Variants in PCDH15 observed in about 807,000 individuals in gnomAD.
The protein encoded by PCDH15 is protocadherin related 15.
PCDH15 carries 129 observed loss-of-function variants against 178.5 expected under a neutral mutation model. The ratio of observed to expected loss-of-function variants is 0.72; its 90% CI spans 0.63 to 0.84. The LOEUF is 0.84. Ranked by LOEUF, PCDH15 falls within the 40% of genes least tolerant of loss-of-function variation. The probability of loss-of-function intolerance (pLI) is 0.00; values close to 1 mark genes in which losing one functional copy is unlikely to be tolerated. For synonymous variants in PCDH15, 800 were observed against 732.0 expected (o/e 1.09, Z -1.50); for missense variants, 2,230 against 2,099.9 (o/e 1.06, Z -1.21).
At chr10:54,913,275 A>T (rs935636727) in intron 2 of PCDH15, among the ~76,000 whole-genome samples, 2 of 152,200 alleles carry the variant, frequency 1.3e-5, no homozygotes, top group Admixed American at 6.5e-5. Context: ...TTTGTGGGCC[A>T]GGCCCATGAC....
At chr10:54,622,336 A>C (rs2093379141) in intron 2 of PCDH15, among the ~76,000 whole-genome samples, 1 of 151,124 alleles carries the variant, frequency 6.6e-6, no homozygotes, top group African/African-American at 2.4e-5. Context: ...GATAAGAAAC[A>C]CTGTAGTTCT....
intron 21 of PCDH15, among the ~76,000 whole-genome samples, chr10:53,972,130 A>G (rs1364117854): frequency 2.0e-5 from 3 of 152,072 alleles, no homozygotes; most frequent in Admixed American, 1.3e-4. Context: ...CAGAAATAAT[A>G]CCACACATTT....
At chr10:54,196,200 T>G (rs1055522977) in intron 10 of PCDH15, among the ~76,000 whole-genome samples, 1 of 152,124 alleles carries the variant, frequency 6.6e-6, no homozygotes, top group African/African-American at 2.4e-5. Flanking sequence ...TGGAGTGCAG[T>G]GGAGTGAACT....
chr10:53,834,713 G>A (rs1001860783), intron 29 of PCDH15, among the ~76,000 whole-genome samples: 1 of 152,108 alleles, frequency 6.6e-6, no homozygotes. Flanking sequence ...TCAAGCACAT[G>A]CAAACATGTA....
chr10:55,011,719 A>G (rs548060383), intron 2 of PCDH15, among the ~76,000 whole-genome samples: 2 of 152,248 alleles, frequency 1.3e-5, no homozygotes, highest in South Asian at 4.1e-4. Context: ...ATAGGTCATG[A>G]TGTCAATAAG....
intron 3 of PCDH15, among the ~76,000 whole-genome samples, chr10:54,409,154 T>C (rs187724341): frequency 2.0e-5 from 3 of 152,158 alleles, no homozygotes; most frequent in African/African-American, 7.2e-5. Flanking sequence ...TTTGCCATGA[T>C]TGTAAGGCCT....
At position 53,853,215 on chromosome 10, in the gene PCDH15, T is replaced by C. The variant is rs1589101738; in HGVS notation, c.3806+3960A>G. Among the ~76,000 whole-genome samples, 5 of 151,004 alleles carry C rather than the reference T, an allele frequency of 3.3e-5. 1 individual carries two copies. The East Asian group carries it at 9.7e-4, about 29-fold the overall frequency. ...GTATTGAAAAAATGGAATATCCATA[T>C]GTAAAAAAAAAAAGGCTGGACCCTT... On this transcript the variant is annotated intron_variant, in intron 28 of 37. Transcript: ENST00000644397.
At chr10:54,372,179 A>G (rs1268947804) in intron 4 of PCDH15, among the ~76,000 whole-genome samples, 1 of 151,934 alleles carries the variant, frequency 6.6e-6, no homozygotes, top group East Asian at 1.9e-4. Context: ...TTTTAAAGTT[A>G]TTTATCTTCC....
intron 2 of PCDH15, among the ~76,000 whole-genome samples, chr10:55,447,906 G>A (rs1241639666): frequency 3.3e-5 from 5 of 151,910 alleles, no homozygotes; most frequent in South Asian, 2.1e-4. Context: ...CTGAAAGTCT[G>A]CAAATAATAT....
At chr10:55,136,365 G>T (rs778420548) in intron 2 of PCDH15, among the ~76,000 whole-genome samples, 1 of 151,738 alleles carries the variant, frequency 6.6e-6, no homozygotes, top group Non-Finnish European at 1.5e-5. Flanking sequence ...TATTTTCAAG[G>T]AGAATACATT....
At chr10:54,578,059 A>T (rs1026570488) in intron 2 of PCDH15, among the ~76,000 whole-genome samples, 8 of 152,148 alleles carry the variant, frequency 5.3e-5, no homozygotes, top group African/African-American at 1.9e-4. Context: ...GGAAAGTTTA[A>T]TACTTTATCA....
At chr10:54,930,359 C>T (rs1156418256) in intron 2 of PCDH15, among the ~76,000 whole-genome samples, 1 of 152,122 alleles carries the variant, frequency 6.6e-6, no homozygotes. Context: ...AAGTCCCACT[C>T]AAGTGCCCCT....
chr10:54,021,112 GA>G (rs940394088), intron 19 of PCDH15, among the ~76,000 whole-genome samples: 1 of 151,916 alleles, frequency 6.6e-6, no homozygotes, highest in Non-Finnish European at 1.5e-5. Flanking sequence ...AAATAGAAAG[GA>G]AAAAAATGTG....
chr10:54,932,164 C>T (rs987764218), intron 2 of PCDH15, among the ~76,000 whole-genome samples: 5 of 152,158 alleles, frequency 3.3e-5, no homozygotes, highest in Admixed American at 2.6e-4. Flanking sequence ...AATAGGCTCA[C>T]GCAGGTCCTT....
At chr10:53,863,287 CAAGG>C (rs1364240583) in intron 27 of PCDH15, among the ~76,000 whole-genome samples, 27 of 152,068 alleles carry the variant, frequency 1.8e-4, no homozygotes, top group African/African-American at 6.5e-4. Flanking sequence ...CTCAATACTA[CAAGG>C]TCAGGAGAAG....
At chr10:53,815,951 G>A (rs115118600) in intron 35 of PCDH15, among the ~76,000 whole-genome samples, 63 of 152,190 alleles carry the variant, frequency 4.1e-4, no homozygotes, top group African/African-American at 1.3e-3. Flanking sequence ...ACTGCTGATC[G>A]GGTTCATTAA....
intron 2 of PCDH15, among the ~76,000 whole-genome samples, chr10:54,579,507 A>T (rs1382928284): frequency 6.6e-6 from 1 of 152,090 alleles, no homozygotes; most frequent in Non-Finnish European, 1.5e-5. Context: ...TTCAAAACCT[A>T]TAAAAAGACT....
At chr10:54,147,283 T>C (rs748534191) in intron 14 of PCDH15, among the ~76,000 whole-genome samples, 27 of 151,844 alleles carry the variant, frequency 1.8e-4, no homozygotes, top group Admixed American at 3.9e-4. Context: ...AAGGTGAGTT[T>C]TTAGTATCCA....
At chr10:55,350,378 C>T (rs963908513) in intron 2 of PCDH15, among the ~76,000 whole-genome samples, 24 of 150,606 alleles carry the variant, frequency 1.6e-4, no homozygotes, top group Middle Eastern at 3.5e-3. Context: ...TAGGAAAGTG[C>T]GAATGGGTAC....
Sources: gnomAD v4.1 joint callset for allele counts (sites outside exome capture counted in the v4.1 genomes callset) on GRCh38, gnomAD v4.1.1 for gene constraint, MANE v1.5 for transcripts, NCBI Gene and HGNC (gene_info 2026-07-23, HGNC 2026-07-21) for gene names.